HIVEP2: variants seen among roughly 807,000 people sequenced by gnomAD.
HIVEP2 encodes HIVEP zinc finger 2, also known as transcription factor HIVEP2.
HIVEP2 carries 14 observed loss-of-function variants against 180.7 expected under a neutral mutation model. The ratio of observed to expected loss-of-function variants is 0.08; its 90% CI spans 0.05 to 0.12. HIVEP2 has a LOEUF of 0.12. Ranked by LOEUF, HIVEP2 falls within the 10% of genes least tolerant of loss-of-function variation. HIVEP2 has a pLI of 1.00. For missense variants in HIVEP2, 2,579 were observed against 3,008.5 expected, an observed-to-expected ratio of 0.86 and a Z score of 3.34; for synonymous variants, 1,184 against 1,136.4, an observed-to-expected ratio of 1.04 and a Z score of -0.84.
chr6:142,917,734 A>G (rs1777592404), intron 1 of HIVEP2, among the ~76,000 whole-genome samples: 1 of 152,304 alleles, frequency 6.6e-6, no homozygotes, highest in East Asian at 1.9e-4. Flanking sequence ...TATCAGATAA[A>G]GAAAGTAGCT....
chr6:142,768,010 A>G (rs1370371023), intron 6 of HIVEP2, among the ~76,000 whole-genome samples: 1 of 152,240 alleles, frequency 6.6e-6, no homozygotes, highest in Non-Finnish European at 1.5e-5. Context: ...GCATGATCTG[A>G]TTTTTGTAAG....
At chr6:142,906,968 A>G (rs1777277978) in intron 1 of HIVEP2, among the ~76,000 whole-genome samples, 1 of 152,234 alleles carries the variant, frequency 6.6e-6, no homozygotes, top group Non-Finnish European at 1.5e-5. Flanking sequence ...CAAGCTAGTC[A>G]GCTCCAAAAT....
At chr6:142,880,835 A>T (rs1339849184) in intron 1 of HIVEP2, among the ~76,000 whole-genome samples, 1 of 152,110 alleles carries the variant, frequency 6.6e-6, no homozygotes, top group African/African-American at 2.4e-5. Flanking sequence ...TCACACCCTC[A>T]TCTCGACAGA....
In HIVEP2 at chr6:142,772,248, G is replaced by A. The variant is rs989231805; in HGVS notation, c.2491C>T (p.Pro831Ser). ...ELVACTQDKA[P>S]SPSETCDSEI... ...CTGTCACAAGTCTCTGAAGGGGAAG[G>A]GGCTTTATCCTGTGTGCAAGCCACA... The change falls in exon 5 of 10, where the codon CCT becomes TCT. Residue 831 changes from proline to serine, a missense_variant. Coordinates refer to ENST00000367603, the MANE Select transcript of HIVEP2 (RefSeq NM_006734.4). This position sits in a 1 kb window ranked among gnomAD's most constrained non-coding sequence, Gnocchi z 4.9. 9 of 1,614,192 alleles carry A rather than the reference G, an allele frequency of 5.6e-6. 1 individual carries two copies. The South Asian group carries it at 7.7e-5, about 14-fold the overall frequency.
At chr6:142,825,803 T>C (rs1319862019) in intron 2 of HIVEP2, among the ~76,000 whole-genome samples, 1 of 152,098 alleles carries the variant, frequency 6.6e-6, no homozygotes, top group Non-Finnish European at 1.5e-5. Context: ...TAAAGAATAA[T>C]TAAAGTGCCA....
intron 1 of HIVEP2, among the ~76,000 whole-genome samples, chr6:142,902,083 T>C (rs1777146643): frequency 6.6e-6 from 1 of 152,168 alleles, no homozygotes. Context: ...CAATAAAATA[T>C]GTAGATATTT....
rs755030077 is a variant in HIVEP2 at position 142,771,535 on chromosome 6, C to T, written c.3204G>A (p.Thr1068=). Residue 1068 remains threonine (T), a synonymous_variant, in exon 5 of 10, where the codon ACG becomes ACA. Transcript: ENST00000367603. The surrounding 1 kb of genome is among the most constrained non-coding windows in gnomAD (Gnocchi z 5.4). The part of the protein sequence containing the change: ...HAPVSGAAAS[T]VSPSRERKKC... Reference sequence around the variant, plus strand: ...TCTTCCTCTCCCTGGACGGTGATACCGTGGAGGCTGCTGCTCCCGACACAG... The same window carrying T: ...TCTTCCTCTCCCTGGACGGTGATACTGTGGAGGCTGCTGCTCCCGACACAG... 2.3e-5 allele frequency: 37 copies of T among 1,613,890 alleles called. No homozygotes were observed. Among genetic ancestry groups the T allele is most frequent in the Non-Finnish European group, 2.6e-5 (31 of 1,180,034 alleles).
intron 9 of HIVEP2, among the ~76,000 whole-genome samples, chr6:142,754,573 T>G (rs1775016273): frequency 6.6e-6 from 1 of 152,236 alleles, no homozygotes; most frequent in Admixed American, 6.5e-5. Context: ...GAAGGCCAGC[T>G]TCTCCATCCA....
intron 1 of HIVEP2, among the ~76,000 whole-genome samples, chr6:142,846,686 G>A (rs773619261): frequency 6.6e-6 from 1 of 152,178 alleles, no homozygotes; most frequent in Non-Finnish European, 1.5e-5. Context: ...GGGCTGATGA[G>A]GTTCTGATTC....
At chr6:142,805,335 C>T (rs1173431087) in intron 2 of HIVEP2, among the ~76,000 whole-genome samples, 2 of 151,592 alleles carry the variant, frequency 1.3e-5, no homozygotes, top group Non-Finnish European at 2.9e-5. Context: ...ATTCCCTTCT[C>T]AAGGAACCCC....
At chr6:142,844,387 C>G (rs946273038) in intron 1 of HIVEP2, among the ~76,000 whole-genome samples, 2 of 152,096 alleles carry the variant, frequency 1.3e-5, no homozygotes, top group African/African-American at 4.8e-5. Context: ...TATTTTAGCT[C>G]TCCTAAGTCA....
intron 3 of HIVEP2, among the ~76,000 whole-genome samples, chr6:142,782,745 GAAAC>G (rs939874946): frequency 1.1e-4 from 16 of 152,278 alleles, no homozygotes; most frequent in Admixed American, 7.8e-4. Context: ...AGCCTAATGA[GAAAC>G]AAACATATTT....
At position 142,846,716 on chromosome 6, in the gene HIVEP2, C is replaced by T. The variant is rs570337793; in HGVS notation, c.-640-9669G>A. ...TGATTCTTCTACCAGGAGAGGTTTA[C>T]CCACTTGCTCAACAGAAATAGTTCA... On this transcript the variant is annotated intron_variant, in intron 1 of 9. Coordinates refer to ENST00000367603, the MANE Select transcript of HIVEP2 (RefSeq NM_006734.4). Among the ~76,000 whole-genome samples the T allele has an allele frequency of 2.0e-5, 3 of 152,282 alleles. No individual in the cohort carries two copies. The South Asian group carries it at 6.2e-4, about 32-fold the overall frequency.
intron 1 of HIVEP2, among the ~76,000 whole-genome samples, chr6:142,854,938 C>A (rs564799142): frequency 3.9e-5 from 6 of 152,208 alleles, no homozygotes; most frequent in Non-Finnish European, 5.9e-5. Context: ...CCACAAATGA[C>A]TCCATGACCC....
intron 2 of HIVEP2, among the ~76,000 whole-genome samples, chr6:142,787,229 G>C (rs1194209312): frequency 1.3e-5 from 2 of 150,046 alleles, no homozygotes; most frequent in Admixed American, 6.7e-5. Flanking sequence ...CTGGGGGATA[G>C]AGTGAGACCC....
chr6:142,909,658 G>A (rs1481613552), intron 1 of HIVEP2, among the ~76,000 whole-genome samples: 1 of 152,100 alleles, frequency 6.6e-6, no homozygotes, highest in African/African-American at 2.4e-5. Context: ...GATCACCATA[G>A]CAAACCTACT....
chr6:142,847,647 A>G (rs1775551096), intron 1 of HIVEP2, among the ~76,000 whole-genome samples: 1 of 152,246 alleles, frequency 6.6e-6, no homozygotes. Context: ...AATGAAAATT[A>G]AACAACTGCT....
At chr6:142,854,399 A>G (rs1234383108) in intron 1 of HIVEP2, among the ~76,000 whole-genome samples, 1 of 152,216 alleles carries the variant, frequency 6.6e-6, no homozygotes, top group Non-Finnish European at 1.5e-5. Flanking sequence ...CTCTGCTGCA[A>G]TAACTTTTTG....
intron 1 of HIVEP2, among the ~76,000 whole-genome samples, chr6:142,864,977 G>A (rs1416502957): frequency 3.9e-5 from 6 of 152,138 alleles, no homozygotes; most frequent in Non-Finnish European, 7.4e-5. Context: ...CTACCTATAT[G>A]TGCTAGCACT....
Sources: gnomAD v4.1 joint callset for allele counts (sites outside exome capture counted in the v4.1 genomes callset) on GRCh38, gnomAD v4.1.1 for gene constraint, Gnocchi (gnomAD v3.1) non-coding constraint, MANE v1.5 for transcripts, NCBI Gene and HGNC (gene_info 2026-07-23, HGNC 2026-07-21) for gene names.